LHFPL4: variants seen among roughly 807,000 people sequenced by gnomAD.
LHFPL4 encodes the protein LHFPL tetraspan subfamily member 4 protein.
Under a neutral mutation model 20.0 loss-of-function variants are expected in LHFPL4, and 6 were observed. The ratio of observed to expected loss-of-function variants is 0.30; its 90% CI spans 0.16 to 0.59. The LOEUF (loss-of-function observed/expected upper bound fraction) is 0.59, where lower values mean the gene tolerates loss of function less well. Ranked by LOEUF, LHFPL4 falls within the 20% of genes least tolerant of loss-of-function variation. The probability of loss-of-function intolerance (pLI) is 0.88; values close to 1 mark genes in which losing one functional copy is unlikely to be tolerated. For synonymous variants in LHFPL4, 129 were observed against 143.8 expected, an observed-to-expected ratio of 0.90 and a Z score of 0.74; for missense variants, 215 against 331.2, an observed-to-expected ratio of 0.65 and a Z score of 2.72.
chr3:9,536,854 G>C (rs2046447205), intron 2 of LHFPL4, among the ~76,000 whole-genome samples: 1 of 151,740 alleles, frequency 6.6e-6, no homozygotes, highest in African/African-American at 2.4e-5. Context: ...GAGAGGCAGA[G>C]CTTGCAGTGA....
intron 2 of LHFPL4, among the ~76,000 whole-genome samples, chr3:9,545,324 A>G (rs1274743903): frequency 2.6e-5 from 4 of 152,214 alleles, no homozygotes; most frequent in Non-Finnish European, 5.9e-5. Context: ...GTTTATCAGT[A>G]TCACGCACAT....
chr3:9,521,233 T>TTC (rs1486132610), intron 2 of LHFPL4, among the ~76,000 whole-genome samples: 1 of 33,830 alleles, frequency 3.0e-5, no homozygotes, highest in African/African-American at 1.6e-4. Flanking sequence ...CTTCTTCTTC[T>TTC]TTTTTTTTTT....
intron 2 of LHFPL4, among the ~76,000 whole-genome samples, chr3:9,516,824 G>A (rs1378806274): frequency 1.5e-5 from 2 of 132,654 alleles, no homozygotes; most frequent in African/African-American, 5.9e-5. Flanking sequence ...CTTGCTCCCA[G>A]GCTGGAGTGC....
At chr3:9,550,230 T>G (rs757782884) in intron 2 of LHFPL4, among the ~76,000 whole-genome samples, 7 of 152,172 alleles carry the variant, frequency 4.6e-5, no homozygotes, top group Non-Finnish European at 8.8e-5. Flanking sequence ...GCAAAGTGAA[T>G]CAGTCACTCA....
intron 2 of LHFPL4, among the ~76,000 whole-genome samples, chr3:9,525,403 C>T (rs1313390933): frequency 6.6e-6 from 1 of 152,212 alleles, no homozygotes; most frequent in Non-Finnish European, 1.5e-5. Flanking sequence ...CCTTCTGCTC[C>T]TGTAAGTTGT....
intron 2 of LHFPL4, among the ~76,000 whole-genome samples, chr3:9,537,776 G>C (rs1009357360): frequency 6.6e-6 from 1 of 152,056 alleles, no homozygotes; most frequent in Admixed American, 6.6e-5. Flanking sequence ...TAAGGTTGCT[G>C]TTCCCTAGGC....
At chr3:9,505,757 C>G (rs1387788390) in intron 3 of LHFPL4, among the ~76,000 whole-genome samples, 1 of 151,948 alleles carries the variant, frequency 6.6e-6, no homozygotes, top group Admixed American at 6.6e-5. Flanking sequence ...GGGGATTTCA[C>G]CATGTTGACC....
At chr3:9,542,547 C>T (rs2046483803) in intron 2 of LHFPL4, among the ~76,000 whole-genome samples, 1 of 152,088 alleles carries the variant, frequency 6.6e-6, no homozygotes, top group African/African-American at 2.4e-5. Context: ...TGGCTCACAC[C>T]TGTAATCCCA....
At position 9,499,071 on chromosome 3, in the gene LHFPL4, TA is replaced by T. The variant is rs1361854303; in HGVS notation, c.*3139del. Reference sequence around the variant, plus strand: ...GCAATGGCAGACCCCTGATCACAGTTAGGGGGGTCACAGTTAGGGGGGGACT... The same window carrying T: ...GCAATGGCAGACCCCTGATCACAGTTGGGGGGTCACAGTTAGGGGGGGACT... On this transcript the variant is annotated 3_prime_UTR_variant, in exon 4 of 4. Transcript: ENST00000287585. 6.5e-6 allele frequency: 1 copy of T among 153,352 alleles called. No homozygotes were observed. Among genetic ancestry groups the T allele is most frequent in the African/African-American group, 2.4e-5 (1 of 41,408 alleles). 9.5% of individuals were successfully genotyped at this position (153,352 alleles called of 1,614,324 possible). A position where few individuals can be genotyped will look rare whatever the true frequency, so the allele number is the denominator to read the frequency against.
At chr3:9,520,526 G>T (rs1468406832) in intron 2 of LHFPL4, among the ~76,000 whole-genome samples, 1 of 151,880 alleles carries the variant, frequency 6.6e-6, no homozygotes, top group African/African-American at 2.4e-5. Flanking sequence ...GCTAATTTTT[G>T]TATTTTTAGT....
chr3:9,552,385 C>A lies in LHFPL4; in HGVS notation c.295G>T (p.Val99Leu). Residue 99 changes from valine to leucine, a missense_variant, in exon 2 of 4, where the codon GTG (valine) becomes TTG (leucine). Physicochemically the swap from Val to Leu is conservative, Grantham distance 32. Coordinates refer to ENST00000287585, the MANE Select transcript of LHFPL4 (RefSeq NM_198560.3). ...SSAFKAAAFF[V>L]LLSMVLILGC... Reference sequence around the variant, plus strand: ...AGGATCAGCACCATGGAGAGCAGCACGAAGAAGGCGGCCGCCTTGAAGGCG... The same window carrying A: ...AGGATCAGCACCATGGAGAGCAGCAAGAAGAAGGCGGCCGCCTTGAAGGCG... The A allele has an allele frequency of 6.2e-7, 1 of 1,613,934 alleles. No homozygotes were observed. Among genetic ancestry groups the A allele is most frequent in the Non-Finnish European group, 8.5e-7 (1 of 1,180,010 alleles).
intron 3 of LHFPL4, among the ~76,000 whole-genome samples, chr3:9,503,135 C>T (rs142170374): frequency 3.8e-4 from 58 of 152,120 alleles, no homozygotes; most frequent in African/African-American, 1.1e-3. Flanking sequence ...GCTTTTGGCT[C>T]GGAGGTCTTT....
intron 2 of LHFPL4, among the ~76,000 whole-genome samples, chr3:9,519,390 G>A (rs889781430): frequency 2.6e-5 from 4 of 152,032 alleles, no homozygotes; most frequent in African/African-American, 9.7e-5. Context: ...ATTCATTTCT[G>A]ATGTTACCAA....
chr3:9,521,762 A>G (rs532247125), intron 2 of LHFPL4, among the ~76,000 whole-genome samples: 86 of 152,078 alleles, frequency 5.7e-4, no homozygotes, highest in African/African-American at 2.0e-3. Flanking sequence ...TTTACTTTTA[A>G]TCAATATGTG....
intron 2 of LHFPL4, among the ~76,000 whole-genome samples, chr3:9,547,468 G>T (rs901687741): frequency 6.6e-6 from 1 of 152,178 alleles, no homozygotes; most frequent in African/African-American, 2.4e-5. Flanking sequence ...TTCACTTCCT[G>T]GGTTCCAGTT....
At chr3:9,528,965 T>C (rs1286139366) in intron 2 of LHFPL4, among the ~76,000 whole-genome samples, 1 of 151,156 alleles carries the variant, frequency 6.6e-6, no homozygotes, top group Admixed American at 6.6e-5. Flanking sequence ...TGGCCCAGGC[T>C]GGAGTGCAGT....
chr3:9,530,225 G>T (rs902113230), intron 2 of LHFPL4, among the ~76,000 whole-genome samples: 1 of 152,136 alleles, frequency 6.6e-6, no homozygotes, highest in South Asian at 2.1e-4. Context: ...GACCTAGATG[G>T]CATCTTCTTC....
intron 2 of LHFPL4, chr3:9,551,157 CATCAGCAAGTGATATAATG>C (rs2046550642): frequency 7.2e-5 from 11 of 152,224 alleles, no homozygotes; most frequent in Admixed American, 7.2e-4. Flanking sequence ...ACAATGGAAT[CATCAGCAAGTGATATAATG>C]CCTCCTCCAG....
intron 2 of LHFPL4, among the ~76,000 whole-genome samples, chr3:9,515,432 G>A (rs180994277): frequency 2.8e-4 from 42 of 152,138 alleles, no homozygotes; most frequent in African/African-American, 1.0e-3. Context: ...GAAGTTCAGG[G>A]GTGCAGTCTC....
Sources: allele counts gnomAD v4.1 joint callset (sites outside exome capture counted in the v4.1 genomes callset), GRCh38; gene constraint gnomAD v4.1.1; transcripts MANE v1.5; gene names NCBI Gene and HGNC (gene_info 2026-07-23, HGNC 2026-07-21).